GALNT13: variants seen among roughly 807,000 people sequenced by gnomAD.
GALNT13 encodes UDP-GalNAc:polypeptide N-acetylgalactosaminyltransferase 13.
Under a neutral mutation model 64.2 loss-of-function variants are expected in GALNT13, and 28 were observed. The ratio of observed to expected loss-of-function variants is 0.44; its 90% CI spans 0.32 to 0.60. The LOEUF (loss-of-function observed/expected upper bound fraction) is 0.60. Ranked by LOEUF, GALNT13 falls within the 20% of genes least tolerant of loss-of-function variation. The pLI, the probability that GALNT13 is intolerant of heterozygous loss-of-function variation, is 0.05. For missense variants in GALNT13, 577 were observed against 669.8 expected (o/e 0.86, Z 1.53); for synonymous variants, 214 against 224.6 (o/e 0.95, Z 0.42).
chr2:154,341,147 T>C (rs1395959788), intron 9 of GALNT13, among the ~76,000 whole-genome samples: 1 of 152,072 alleles, frequency 6.6e-6, no homozygotes, highest in Non-Finnish European at 1.5e-5. Flanking sequence ...CTTTTTTTCC[T>C]TTCTAATAAA....
the GALNT13 span, among the ~76,000 whole-genome samples, chr2:153,424,033 A>G: frequency 1.1e-3 from 161 of 150,912 alleles, no homozygotes; most frequent in African/African-American, 3.7e-3. Flanking sequence ...TTTAACTGAA[A>G]AAAAGTAATA....
intron 4 of GALNT13, among the ~76,000 whole-genome samples, chr2:154,211,180 T>G (rs1687740805): frequency 6.6e-6 from 1 of 151,972 alleles, no homozygotes. Context: ...CATCATAGAG[T>G]GTACTTACCA....
At chr2:153,228,372 C>G in the GALNT13 span, among the ~76,000 whole-genome samples, 745 of 152,194 alleles carry the variant, frequency 4.9e-3, 6 homozygotes, top group African/African-American at 0.017. Flanking sequence ...CTCGAAATGC[C>G]TGCATTTAAT....
At chr2:153,384,366 C>A in the GALNT13 span, among the ~76,000 whole-genome samples, 1 of 151,994 alleles carries the variant, frequency 6.6e-6, no homozygotes, top group Admixed American at 6.6e-5. Context: ...TTTAAAACTT[C>A]GTGTTCTTCA....
At chr2:153,391,534 A>T in the GALNT13 span, among the ~76,000 whole-genome samples, 1 of 152,142 alleles carries the variant, frequency 6.6e-6, no homozygotes, top group Non-Finnish European at 1.5e-5. Flanking sequence ...TTTTGTTAAA[A>T]AATGGAAGAA....
chr2:154,163,438 A>G (rs1453109480), intron 4 of GALNT13, among the ~76,000 whole-genome samples: 2 of 152,060 alleles, frequency 1.3e-5, no homozygotes, highest in African/African-American at 4.8e-5. Flanking sequence ...ACAGAAATAC[A>G]AACTACCATC....
chr2:153,926,698 T>C (rs1640225417), intron 2 of GALNT13, among the ~76,000 whole-genome samples: 1 of 152,154 alleles, frequency 6.6e-6, no homozygotes, highest in African/African-American at 2.4e-5. Flanking sequence ...GTCCTTTGGG[T>C]CTGTTGGTCT....
the GALNT13 span, among the ~76,000 whole-genome samples, chr2:153,411,544 C>T: frequency 1.3e-5 from 2 of 152,062 alleles, no homozygotes; most frequent in Non-Finnish European, 2.9e-5. Flanking sequence ...AGACCATGTG[C>T]TTTGAAAGAA....
the GALNT13 span, among the ~76,000 whole-genome samples, chr2:153,271,748 C>T: frequency 1.3e-5 from 2 of 152,176 alleles, no homozygotes; most frequent in Admixed American, 6.5e-5. Context: ...ACTTTCTTCA[C>T]AGAATTAGAA....
chr2:153,249,652 C>G, the GALNT13 span, among the ~76,000 whole-genome samples: 1 of 152,164 alleles, frequency 6.6e-6, no homozygotes, highest in African/African-American at 2.4e-5. Context: ...GTAACCAAAA[C>G]AGCAGGGTAC....
the GALNT13 span, chr2:153,421,896 C>G: frequency 1.9e-5 from 1 of 51,934 alleles, no homozygotes; most frequent in Non-Finnish European, 3.4e-5. Context: ...TAGTAGAGCT[C>G]CCGGCAGCAT....
intron 9 of GALNT13, among the ~76,000 whole-genome samples, chr2:154,306,624 G>GGGC (rs1553512846): frequency 4.7e-5 from 7 of 149,698 alleles, no homozygotes; most frequent in African/African-American, 1.5e-4. Flanking sequence ...TTGGTGGGGG[G>GGGC]GGGGTCAAGA....
chr2:153,267,051 C>T, the GALNT13 span, among the ~76,000 whole-genome samples: 42,639 of 152,166 alleles, frequency 0.28, 7,260 homozygotes, highest in Non-Finnish European at 0.39. Flanking sequence ...ACAAAGGGGC[C>T]ACAGGCCCCA....
At chr2:153,212,962 A>T in the GALNT13 span, among the ~76,000 whole-genome samples, 1 of 152,236 alleles carries the variant, frequency 6.6e-6, no homozygotes, top group African/African-American at 2.4e-5. Context: ...GTGAAATGTT[A>T]TTCATAGCAA....
chr2:153,503,843 G>C, the GALNT13 span, among the ~76,000 whole-genome samples: 1 of 152,076 alleles, frequency 6.6e-6, no homozygotes, highest in African/African-American at 2.4e-5. Context: ...TGTTCTTTTT[G>C]CTTGGTCTTG....
the GALNT13 span, among the ~76,000 whole-genome samples, chr2:153,266,336 C>G: frequency 6.6e-6 from 1 of 152,184 alleles, no homozygotes; most frequent in African/African-American, 2.4e-5. Flanking sequence ...CCTATTGTAT[C>G]AACTATGTTA....
the GALNT13 span, among the ~76,000 whole-genome samples, chr2:153,742,522 C>A: frequency 6.6e-6 from 1 of 152,182 alleles, no homozygotes; most frequent in East Asian, 1.9e-4. Context: ...CTAGTGGACC[C>A]ACCCCCAATA....
At chr2:154,170,928 C>G (rs1466454947) in intron 4 of GALNT13, among the ~76,000 whole-genome samples, 1 of 152,142 alleles carries the variant, frequency 6.6e-6, no homozygotes, top group Non-Finnish European at 1.5e-5. Flanking sequence ...GCTGGAGAAG[C>G]TTTCAATGCA....
chr2:154,298,409 T>C (rs1201965366), intron 8 of GALNT13, among the ~76,000 whole-genome samples: 2 of 120,610 alleles, frequency 1.7e-5, no homozygotes, highest in South Asian at 4.8e-4. Flanking sequence ...ATATATAATT[T>C]ATATATAAAT....
Sources: gnomAD v4.1 joint callset for allele counts (sites outside exome capture counted in the v4.1 genomes callset) on GRCh38, gnomAD v4.1.1 for gene constraint, MANE v1.5 for transcripts, NCBI Gene and HGNC (gene_info 2026-07-23, HGNC 2026-07-21) for gene names.